The following EHBP1L1 variants were observed in gnomAD, a reference collection of about 807,000 sequenced individuals.
EHBP1L1 encodes EH domain-binding protein 1-like protein 1.
EHBP1L1 carries 122 observed loss-of-function variants against 151.1 expected under a neutral mutation model. That is an observed-to-expected ratio of 0.81 (90% confidence interval 0.70 to 0.94). EHBP1L1 has a LOEUF of 0.94. Ranked by LOEUF, EHBP1L1 falls within the 40% of genes least tolerant of loss-of-function variation. EHBP1L1 has a pLI of 0.00. For missense variants in EHBP1L1, 1,941 were observed against 1,959.8 expected, an observed-to-expected ratio of 0.99 and a Z score of 0.18; for synonymous variants, 878 against 810.1, an observed-to-expected ratio of 1.08 and a Z score of -1.42.
In EHBP1L1 at chr11:65,579,924, C is replaced by T. The variant is rs1206864583; in HGVS notation, c.259-12C>T. The T allele has an allele frequency of 8.7e-6, 14 of 1,613,686 alleles. No homozygotes were observed. Among genetic ancestry groups the T allele is most frequent in the Non-Finnish European group, 1.1e-5 (13 of 1,179,822 alleles). On this transcript the variant is annotated splice_polypyrimidine_tract_variant and intron_variant, in intron 3 of 18. Coordinates refer to ENST00000309295, the MANE Select transcript of EHBP1L1 (RefSeq NM_001099409.3). Reference sequence around the variant, plus strand: ...CCAACAGTCCTGTACTCACCAGCACCCTTCTTCCCAGGACCCCCACGTGGA... The same window carrying T: ...CCAACAGTCCTGTACTCACCAGCACTCTTCTTCCCAGGACCCCCACGTGGA...
At chr11:65,590,388 C>T in intron 15 of EHBP1L1, 105 bp from the exon 16 acceptor site, 4 of 1,506,620 alleles carry the variant, frequency 2.7e-6, no homozygotes, top group Non-Finnish European at 2.7e-6. Flanking sequence ...ACAGTTCTGG[C>T]TTCTGGGATG....
rs1459227494 is a variant in EHBP1L1 at position 65,581,667 on chromosome 11, C to T, written c.995C>T (p.Pro332Leu). The T allele has an allele frequency of 6.4e-7, 1 of 1,565,412 alleles. No homozygotes were observed. Among genetic ancestry groups the T allele is most frequent in the African/African-American group, 1.4e-5 (1 of 73,576 alleles). ...DEVPKASGAP[P>L]AGLGSARETQ... is the part of the protein sequence containing the mutation. ...GTCCCCAAAGCCTCAGGGGCTCCTC[C>T]AGCAGGATTGGGCTCTGCTAGGGAG... is the stretch of plus-strand genomic sequence containing the variant. The change falls in exon 9 of 19, where the codon CCA becomes CTA. Residue 332 changes from proline (P) to leucine (L), a missense_variant. Pro to Leu is a moderately conservative substitution (Grantham distance 98). Transcript: ENST00000309295.
Position 65,580,087 on chromosome 11 carries a change from A to C in EHBP1L1, c.319A>C (p.Lys107Gln). The change falls in exon 5 of 19, where the codon AAG (lysine) becomes CAG (glutamine). Residue 107 changes from lysine (K) to glutamine (Q), a missense_variant. Lys to Gln is a moderately conservative substitution (Grantham distance 53). Transcript: ENST00000309295. ...EWTFIIENES[K>Q]GQRKVLATAE... The stretch of plus-strand genomic sequence containing the variant: ...TCTCTCCCCTGGCCCACAGGAGTCT[A>C]AGGGGCAGCGGAAGGTGCTGGCCAC... The C allele has an allele frequency of 6.2e-7, 1 of 1,613,126 alleles. No individual in the cohort carries two copies. Among genetic ancestry groups the C allele is most frequent in the Non-Finnish European group, 8.5e-7 (1 of 1,179,326 alleles).
intron 18 of EHBP1L1, 41 bp downstream of exon 18, chr11:65,592,131 G>C (rs762355942): frequency 6.2e-7 from 1 of 1,611,000 alleles, no homozygotes; most frequent in Non-Finnish European, 8.5e-7. Context: ...GGAGGGTCCG[G>C]GACTTGCTCC....
At chr11:65,588,787 A>C (rs1371877383) in intron 12 of EHBP1L1, among the ~76,000 whole-genome samples, 1 of 152,238 alleles carries the variant, frequency 6.6e-6, no homozygotes, top group African/African-American at 2.4e-5. Context: ...CCAAGCTAAA[A>C]TTCAAAGATC....
chr11:65,583,052 A>G lies in EHBP1L1; in HGVS notation c.2380A>G (p.Thr794Ala). The G allele has an allele frequency of 1.2e-6, 2 of 1,612,986 alleles. No homozygotes were observed. Among genetic ancestry groups the G allele is most frequent in the Non-Finnish European group, 1.7e-6 (2 of 1,179,584 alleles). ...GGTCCCAGGGTTAGAAGCTGATACAACAGGGATCCAGGTGAAAGAGGTTGG... is the reference window on the plus strand; with the variant it reads ...GGTCCCAGGGTTAGAAGCTGATACAGCAGGGATCCAGGTGAAAGAGGTTGG... ...SGVPGLEADT[T>A]GIQVKEVGGS... The change falls in exon 9 of 19, where the codon ACA becomes GCA. Residue 794 changes from threonine (T) to alanine (A), a missense_variant. Physicochemically the swap from Thr to Ala is moderately conservative, Grantham distance 58. Coordinates refer to ENST00000309295, the MANE Select transcript of EHBP1L1 (RefSeq NM_001099409.3).
intron 11 of EHBP1L1, 56 bp from the exon 12 acceptor site, chr11:65,584,903 T>C: frequency 6.6e-7 from 1 of 1,523,902 alleles, no homozygotes; most frequent in Non-Finnish European, 8.8e-7. Flanking sequence ...CACTGCAGCG[T>C]TGCCGGGTGG....
chr11:65,589,105 C>T (rs1276170364), intron 12 of EHBP1L1, among the ~76,000 whole-genome samples: 3 of 152,168 alleles, frequency 2.0e-5, no homozygotes, highest in African/African-American at 7.2e-5. Flanking sequence ...TGAGGGAATT[C>T]CATGGAAGAG....
chr11:65,584,729 T>G, intron 11 of EHBP1L1, 195 bp downstream of exon 11: 1 of 1,007,482 alleles, frequency 9.9e-7, no homozygotes, highest in East Asian at 2.6e-5. Context: ...TTTCCTCCCT[T>G]AGATGGTTTT....
At chr11:65,576,976 CG>C (rs1461376192) in intron 1 of EHBP1L1, among the ~76,000 whole-genome samples, 1 of 152,074 alleles carries the variant, frequency 6.6e-6, no homozygotes, top group Non-Finnish European at 1.5e-5. Flanking sequence ...AGGAGGGAGG[CG>C]GGGAGCAGCT....
rs1175979736 is a variant in EHBP1L1 at position 65,583,135 on chromosome 11, C to T, written c.2463C>T (p.Thr821=). 1 of 1,612,950 alleles carries T rather than the reference C, an allele frequency of 6.2e-7. No homozygotes were observed. The highest frequency in any genetic ancestry group is 8.5e-7 in the Non-Finnish European group (1 of 1,179,700). ...TGTAETEILG[T]QEIASRSSGV... ...CAGCAGAAACTGAGATATTGGGGAC[C>T]CAAGAGATAGCATCTAGGAGTTCAG... The change falls in exon 9 of 19, where the codon ACC becomes ACT. Residue 821 remains threonine, a synonymous_variant. Coordinates refer to ENST00000309295, the MANE Select transcript of EHBP1L1 (RefSeq NM_001099409.3).
In EHBP1L1 at chr11:65,582,160, G is replaced by C; in HGVS notation, c.1488G>C (p.Glu496Asp). ...ACTCTGGGCAACTTGGTGACCTCGAGGGGGCCAGGGCTGCTGCAGGCCAGG... is the reference window on the plus strand; with the variant it reads ...ACTCTGGGCAACTTGGTGACCTCGACGGGGCCAGGGCTGCTGCAGGCCAGG... ...AGHSGQLGDLEGARAAAGQER... is the reference protein window; with the variant it reads ...AGHSGQLGDLDGARAAAGQER... The change falls in exon 9 of 19, where the codon GAG (glutamate) becomes GAC (aspartate). Residue 496 changes from glutamate to aspartate, a missense_variant. By Grantham distance (45) the Glu-to-Asp change is conservative. Coordinates refer to ENST00000309295, the MANE Select transcript of EHBP1L1 (RefSeq NM_001099409.3). 1.3e-6 allele frequency: 2 copies of C among 1,582,496 alleles called. No individual in the cohort carries two copies. The highest frequency in any genetic ancestry group is 1.7e-6 in the Non-Finnish European group (2 of 1,165,094).
intron 8 of EHBP1L1, 57 bp from the exon 9 acceptor site, chr11:65,581,482 G>T: frequency 7.0e-7 from 1 of 1,419,796 alleles, no homozygotes; most frequent in East Asian, 2.5e-5. Context: ...GTGGCGGATG[G>T]TGCTGAGAGT....
intron 2 of EHBP1L1, 29 bp from the exon 3 acceptor site, chr11:65,579,312 G>A (rs201795513): frequency 1.7e-5 from 26 of 1,517,334 alleles, no homozygotes; most frequent in Middle Eastern, 3.4e-4. Flanking sequence ...GAGTTAAGAT[G>A]GGGGGAGGAC....
intron 12 of EHBP1L1, among the ~76,000 whole-genome samples, chr11:65,589,549 G>C (rs1455210510): frequency 6.6e-6 from 1 of 152,228 alleles, no homozygotes; most frequent in African/African-American, 2.4e-5. Context: ...GATGAAGGCT[G>C]TGGCCTTTGC....
At chr11:65,586,980 C>T (rs1361749090) in intron 12 of EHBP1L1, among the ~76,000 whole-genome samples, 2 of 152,210 alleles carry the variant, frequency 1.3e-5, no homozygotes, top group African/African-American at 4.8e-5. Flanking sequence ...CTCCCCCATG[C>T]CCATTGTGTG....
rs1418893340 is a variant in EHBP1L1 at position 65,590,690 on chromosome 11, A to C, written c.4283+98A>C. ...TTATTCCTACAGAGATCTTTTTGACAAACGATTCCTCTTCCATCTTACTGT... is the reference window on the plus strand; with the variant it reads ...TTATTCCTACAGAGATCTTTTTGACCAACGATTCCTCTTCCATCTTACTGT... On this transcript the variant is annotated intron_variant, in intron 16 of 18. Transcript: ENST00000309295. The C allele has an allele frequency of 4.7e-6, 5 of 1,064,402 alleles. No homozygotes were observed. The East Asian group carries it at 1.3e-4, about 27-fold the overall frequency. 65.9% of individuals were successfully genotyped at this position (1,064,402 alleles called of 1,614,324 possible).
rs906718841 is a variant in EHBP1L1, at chr11:65,585,042, C to T, written c.3384C>T (p.Leu1128=). 1.3e-6 allele frequency: 2 copies of T among 1,539,674 alleles called. No homozygotes were observed. Among genetic ancestry groups the T allele is most frequent in the African/African-American group, 1.4e-5 (1 of 73,076 alleles). ...TGCTACTGTCGGTGCCCGACAAGCT[C>T]ATCGTCATGACGTACCTGTGCCAGA... ...DMVLLSVPDK[L]IVMTYLCQIR... is the part of the protein sequence containing the mutation. Residue 1128 remains leucine (L), a synonymous_variant, in exon 12 of 19, where the codon CTC becomes CTT. Coordinates refer to ENST00000309295, the MANE Select transcript of EHBP1L1 (RefSeq NM_001099409.3). This position sits in a 1 kb window ranked among gnomAD's most constrained non-coding sequence, Gnocchi z 4.0.
intron 16 of EHBP1L1, 135 bp from the exon 17 acceptor site, chr11:65,591,665 G>A (rs1488133856): frequency 2.7e-6 from 2 of 729,530 alleles, no homozygotes; most frequent in Admixed American, 2.0e-5. Context: ...ATAGCTCTGC[G>A]GTCAGCCCTG....
Sources: gnomAD v4.1 joint callset for allele counts (sites outside exome capture counted in the v4.1 genomes callset) on GRCh38, gnomAD v4.1.1 for gene constraint, Gnocchi (gnomAD v3.1) non-coding constraint, MANE v1.5 for transcripts, NCBI Gene and HGNC (gene_info 2026-07-23, HGNC 2026-07-21) for gene names.